Variants in ADCY2 observed in about 807,000 individuals in gnomAD.
The protein encoded by ADCY2 is adenylate cyclase type 2.
ADCY2 carries 31 observed loss-of-function variants against 125.2 expected under a neutral mutation model. That is an observed-to-expected ratio of 0.25 (90% CI 0.19 to 0.33). The LOEUF (loss-of-function observed/expected upper bound fraction) is 0.33, where lower values mean the gene tolerates loss of function less well. Ranked by LOEUF, ADCY2 falls within the 10% of genes least tolerant of loss-of-function variation. The pLI is 1.00. For missense variants in ADCY2, 904 were observed against 1,418.2 expected (o/e 0.64, Z 5.82); for synonymous variants, 512 against 548.4 (o/e 0.93, Z 0.93).
At chr5:7,666,014 A>G (rs1739706180) in intron 4 of ADCY2, among the ~76,000 whole-genome samples, 1 of 149,148 alleles carries the variant, frequency 6.7e-6, no homozygotes. Flanking sequence ...AATTTTTTGT[A>G]TTTTTAGTAG....
chr5:7,753,774 C>T (rs79074173), intron 15 of ADCY2, among the ~76,000 whole-genome samples: 2,000 of 152,258 alleles, frequency 0.013, 36 homozygotes, highest in African/African-American at 0.044. Context: ...CCCCCACCAG[C>T]TTGATCCTCC....
At chr5:7,448,388 T>G (rs1741354805) in intron 2 of ADCY2, among the ~76,000 whole-genome samples, 1 of 152,208 alleles carries the variant, frequency 6.6e-6, no homozygotes, top group Admixed American at 6.5e-5. Context: ...TGAGTCTCTC[T>G]CTGTGTAGCA....
chr5:7,680,170 C>T (rs964847070), intron 4 of ADCY2, among the ~76,000 whole-genome samples: 11 of 152,184 alleles, frequency 7.2e-5, no homozygotes, highest in African/African-American at 2.7e-4. Context: ...CCCCAGGAAA[C>T]AGTTGTCAAT....
At chr5:7,420,248 C>T (rs560623091) in intron 2 of ADCY2, among the ~76,000 whole-genome samples, 9 of 152,142 alleles carry the variant, frequency 5.9e-5, no homozygotes, top group Non-Finnish European at 1.2e-4. Context: ...CCAACATGGC[C>T]TCTCTGTAAT....
chr5:7,461,979 A>G (rs1439944791), intron 2 of ADCY2, among the ~76,000 whole-genome samples: 1 of 152,212 alleles, frequency 6.6e-6, no homozygotes, highest in South Asian at 2.1e-4. Flanking sequence ...AAGGAATGCC[A>G]TGGAGGGCAA....
intron 4 of ADCY2, among the ~76,000 whole-genome samples, chr5:7,664,500 A>G (rs1739646611): frequency 6.6e-6 from 1 of 152,146 alleles, no homozygotes; most frequent in African/African-American, 2.4e-5. Flanking sequence ...TATCTTGCCC[A>G]ATTTCCTATC....
intron 3 of ADCY2, among the ~76,000 whole-genome samples, chr5:7,620,867 C>T (rs1737930564): frequency 6.6e-6 from 1 of 151,628 alleles, no homozygotes; most frequent in Admixed American, 6.6e-5. Flanking sequence ...TATAACTTTT[C>T]TCCTTTGACA....
chr5:7,771,783 A>G (rs1361698969), intron 17 of ADCY2, among the ~76,000 whole-genome samples: 1 of 152,240 alleles, frequency 6.6e-6, no homozygotes, highest in East Asian at 1.9e-4. Flanking sequence ...AGTTCTTACC[A>G]GGCTTACTCA....
intron 11 of ADCY2, among the ~76,000 whole-genome samples, chr5:7,714,168 T>C (rs1334097224): frequency 3.9e-5 from 6 of 152,230 alleles, no homozygotes; most frequent in Non-Finnish European, 8.8e-5. Flanking sequence ...ATTTGAGGCA[T>C]ATTAGAGAGC....
chr5:7,542,996 A>G (rs1452509363), intron 3 of ADCY2, among the ~76,000 whole-genome samples: 2 of 152,200 alleles, frequency 1.3e-5, no homozygotes, highest in Admixed American at 6.5e-5. Context: ...CTGAAAATAC[A>G]CTGACATCAC....
chr5:7,727,240 T>C lies in ADCY2; in HGVS notation c.1850T>C (p.Val617Ala), dbSNP rs1741961705. 4 of 1,614,158 alleles carry C rather than the reference T, an allele frequency of 2.5e-6. No homozygotes were observed. In the African/African-American group the frequency reaches 4.0e-5, roughly 16 times the overall value. The change falls in exon 14 of 25, where the codon GTG (valine) becomes GCG (alanine). Residue 617 changes from valine (V) to alanine (A), a missense_variant. Physicochemically the swap from Val to Ala is moderately conservative, Grantham distance 64. Transcript: ENST00000338316. ...ACLIFFCIFI[V>A]QILVLPKTSV... The stretch of plus-strand genomic sequence containing the variant: ...CTCATATTCTTCTGCATCTTCATTG[T>C]GCAGATTCTCGTGCTGCCAAAGTAA...
At chr5:7,769,296 AT>A (rs1743487823) in intron 17 of ADCY2, among the ~76,000 whole-genome samples, 1 of 152,244 alleles carries the variant, frequency 6.6e-6, no homozygotes, top group African/African-American at 2.4e-5. Context: ...TTTAAAATAC[AT>A]TTTATTGTAA....
At chr5:7,763,117 G>C (rs191348048) in intron 16 of ADCY2, among the ~76,000 whole-genome samples, 1 of 150,978 alleles carries the variant, frequency 6.6e-6, no homozygotes, top group Admixed American at 6.6e-5. Flanking sequence ...TTTCCGAGAC[G>C]GAGTCTCGTT....
intron 24 of ADCY2, among the ~76,000 whole-genome samples, chr5:7,821,774 G>C (rs762827601): frequency 6.6e-6 from 1 of 152,250 alleles, no homozygotes; most frequent in Non-Finnish European, 1.5e-5. Flanking sequence ...TGGAACTGGA[G>C]ACAGTGTGTG....
intron 3 of ADCY2, among the ~76,000 whole-genome samples, chr5:7,616,593 GC>G (rs1561127055): frequency 1.3e-5 from 2 of 152,174 alleles, no homozygotes; most frequent in African/African-American, 2.4e-5. Flanking sequence ...CCATCTTGGT[GC>G]ACATTAAACC....
chr5:7,473,279 G>T lies in ADCY2; in HGVS notation c.409-47459G>T, dbSNP rs1579478862. Among the ~76,000 whole-genome samples the T allele has an allele frequency of 3.3e-5, 5 of 152,294 alleles. 2 individuals carry two copies. The highest frequency in any genetic ancestry group is 3.3e-4 in the Admixed American group (5 of 15,298). ...AAGAAGCATGGCACCCACATCTTCT[G>T]GTGGGGGCCTCCAGCTGCTTCCAAC... On this transcript the variant is annotated intron_variant, in intron 2 of 24. Coordinates refer to ENST00000338316, the MANE Select transcript of ADCY2 (RefSeq NM_020546.3).
At chr5:7,798,179 G>GAAACTCAAAGGAATAGCCCA (rs2307997) in intron 20 of ADCY2, 1 of 151,486 alleles carries the variant, frequency 6.6e-6, no homozygotes, top group Non-Finnish European at 1.5e-5. Flanking sequence ...CCTCCACAGA[G>GAAACTCAAAGGAATAGCCCA]AAAGCCCGGA....
At chr5:7,577,362 G>T (rs759209315) in intron 3 of ADCY2, among the ~76,000 whole-genome samples, 9 of 152,190 alleles carry the variant, frequency 5.9e-5, no homozygotes, top group Non-Finnish European at 1.2e-4. Context: ...AAACTGGATT[G>T]ATCAATTTAT....
intron 4 of ADCY2, among the ~76,000 whole-genome samples, chr5:7,632,310 G>T (rs1335111629): frequency 6.6e-6 from 1 of 151,760 alleles, no homozygotes; most frequent in Non-Finnish European, 1.5e-5. Context: ...TTATGTTTTT[G>T]AGATCTCCAC....
Sources: gnomAD v4.1 joint callset for allele counts (sites outside exome capture counted in the v4.1 genomes callset) on GRCh38, gnomAD v4.1.1 for gene constraint, MANE v1.5 for transcripts, NCBI Gene and HGNC (gene_info 2026-07-23, HGNC 2026-07-21) for gene names.